The following ASZ1 variants were observed in gnomAD, a reference collection of about 807,000 sequenced individuals.
ASZ1 encodes the protein ankyrin repeat, SAM and basic leucine zipper domain-containing protein 1.
Under a neutral mutation model 61.8 loss-of-function variants are expected in ASZ1, and 67 were observed. The observed-to-expected ratio is 1.08, with a 90% CI of 0.89 to 1.33. The LOEUF (loss-of-function observed/expected upper bound fraction) is 1.33, where lower values mean the gene tolerates loss of function less well. ASZ1 is among the 40% of genes most tolerant of loss of function. The pLI is 0.00. For synonymous variants in ASZ1, 193 were observed against 192.7 expected (o/e 1.00, Z -0.01); for missense variants, 577 against 554.5 (o/e 1.04, Z -0.41).
chr7:117,379,133 T>TTATATATATATATATA (rs370500034), intron 10 of ASZ1, among the ~76,000 whole-genome samples: 1 of 104,656 alleles, frequency 9.6e-6, no homozygotes, highest in Non-Finnish European at 2.0e-5. Flanking sequence ...TGTGATAAAA[T>TTATATATATATATATA]TATATATATA....
intron 4 of ASZ1, among the ~76,000 whole-genome samples, chr7:117,404,425 T>TC (rs1162002647): frequency 8.4e-6 from 1 of 118,966 alleles, no homozygotes; most frequent in African/African-American, 6.0e-5. Flanking sequence ...TCCTTTTTTT[T>TC]TTTTTTGACT....
Position 117,363,618 on chromosome 7 carries a change from T to C in ASZ1, c.1406A>G (p.Lys469Arg). Reference sequence around the variant, plus strand: ...GGATTATTTCCTCTGGAAAGTTAGCTTGCAAATGAAAAGAAGAAAACCGAA... The same window carrying C: ...GGATTATTTCCTCTGGAAAGTTAGCCTGCAAATGAAAAGAAGAAAACCGAA... ...CGFGFLLFIC[K>R]LTFQRK is the part of the protein sequence containing the mutation. The change falls in exon 13 of 13, where the codon AAG becomes AGG. Residue 469 changes from lysine to arginine, a missense_variant. Transcript: ENST00000284629. The C allele has an allele frequency of 6.2e-7, 1 of 1,601,364 alleles. No homozygotes were observed. The highest frequency in any genetic ancestry group is 1.7e-5 in the Admixed American group (1 of 57,730).
intron 6 of ASZ1, among the ~76,000 whole-genome samples, chr7:117,384,083 C>G (rs1316589000): frequency 6.6e-6 from 1 of 152,026 alleles, no homozygotes; most frequent in Non-Finnish European, 1.5e-5. Context: ...AACTCTTGAA[C>G]TAAACAACTT....
intron 2 of ASZ1, 60 bp from the exon 3 acceptor site, chr7:117,422,419 C>A (rs1422472863): frequency 1.9e-6 from 3 of 1,564,646 alleles, no homozygotes; most frequent in East Asian, 2.3e-5. Flanking sequence ...AAATCAGTCA[C>A]CTTATATGCT....
intron 10 of ASZ1, among the ~76,000 whole-genome samples, chr7:117,374,232 TG>T (rs1796097882): frequency 6.6e-6 from 1 of 152,116 alleles, no homozygotes; most frequent in Non-Finnish European, 1.5e-5. Flanking sequence ...GAAAATCTAT[TG>T]TTTGTATGTT....
intron 4 of ASZ1, among the ~76,000 whole-genome samples, chr7:117,390,710 A>G (rs747363484): frequency 6.6e-6 from 1 of 151,830 alleles, no homozygotes; most frequent in Non-Finnish European, 1.5e-5. Flanking sequence ...TTTGACTTTT[A>G]ATTATTTTTT....
chr7:117,364,836 C>G (rs2116438798), intron 12 of ASZ1, among the ~76,000 whole-genome samples: 1 of 152,184 alleles, frequency 6.6e-6, no homozygotes, highest in Non-Finnish European at 1.5e-5. Flanking sequence ...TTACTGAATC[C>G]TGAGACAGTC....
intron 4 of ASZ1, among the ~76,000 whole-genome samples, chr7:117,404,415 T>TC (rs1777194426): frequency 9.0e-6 from 1 of 110,662 alleles, no homozygotes; most frequent in Non-Finnish European, 1.7e-5. Flanking sequence ...CTTGACTGTT[T>TC]CCTTTTTTTT....
intron 3 of ASZ1, among the ~76,000 whole-genome samples, chr7:117,421,178 C>T (rs1223907209): frequency 6.6e-6 from 1 of 152,150 alleles, no homozygotes; most frequent in Non-Finnish European, 1.5e-5. Context: ...ATATTTTATA[C>T]ACTTTTGAAA....
At chr7:117,378,780 G>A (rs1000312470) in intron 10 of ASZ1, among the ~76,000 whole-genome samples, 2 of 151,852 alleles carry the variant, frequency 1.3e-5, no homozygotes, top group Non-Finnish European at 2.9e-5. Flanking sequence ...CTACTCAAAT[G>A]TTCTTCAATG....
intron 4 of ASZ1, among the ~76,000 whole-genome samples, chr7:117,399,386 C>G (rs1030590956): frequency 6.6e-6 from 1 of 152,190 alleles, no homozygotes; most frequent in African/African-American, 2.4e-5. Flanking sequence ...AGTTTTTGTT[C>G]CTAGAGACAC....
intron 4 of ASZ1, among the ~76,000 whole-genome samples, chr7:117,405,350 C>T (rs540375486): frequency 3.3e-5 from 5 of 152,250 alleles, no homozygotes; most frequent in East Asian, 3.9e-4. Context: ...GCATTTCTTT[C>T]TAATCACAGC....
At chr7:117,364,385 CTGTG>C (rs917733140) in intron 12 of ASZ1, among the ~76,000 whole-genome samples, 1 of 149,384 alleles carries the variant, frequency 6.7e-6, no homozygotes, top group African/African-American at 2.5e-5. Flanking sequence ...CTGTGTGTAT[CTGTG>C]TGTGTGTGTT....
intron 2 of ASZ1, 73 bp from the exon 3 acceptor site, chr7:117,422,432 A>G: frequency 6.6e-7 from 1 of 1,510,506 alleles, no homozygotes; most frequent in East Asian, 2.3e-5. Context: ...TATATGCTTA[A>G]AGTACTGTGT....
At chr7:117,407,676 A>G (rs888410855) in intron 4 of ASZ1, among the ~76,000 whole-genome samples, 1 of 152,208 alleles carries the variant, frequency 6.6e-6, no homozygotes, top group Non-Finnish European at 1.5e-5. Flanking sequence ...TTATTGTACT[A>G]TATTCACCCT....
At chr7:117,384,918 A>G in intron 5 of ASZ1, 58 bp from the exon 6 acceptor site, 3 of 1,434,206 alleles carry the variant, frequency 2.1e-6, no homozygotes, top group Non-Finnish European at 2.8e-6. Flanking sequence ...TGAGACAGAC[A>G]GGAAAAGTTT....
intron 10 of ASZ1, among the ~76,000 whole-genome samples, chr7:117,377,700 T>C (rs1159603890): frequency 6.6e-6 from 1 of 152,056 alleles, no homozygotes; most frequent in Non-Finnish European, 1.5e-5. Flanking sequence ...AAGCTTTATC[T>C]AAAATGTATA....
chr7:117,380,021 C>T lies in ASZ1; in HGVS notation c.972G>A (p.Gln324=). Residue 324 remains glutamine (Q), a synonymous_variant, in exon 10 of 13, where the codon CAG becomes CAA. Coordinates refer to ENST00000284629, the MANE Select transcript of ASZ1 (RefSeq NM_130768.3). The stretch of plus-strand genomic sequence containing the variant: ...GTTCTTTAAGAGCAGCCAGAATTTT[C>T]TGCTGGTCTTTACTGGTAATTCCAT... ...TKNGITSKDQ[Q]KILAALKELQ... is the part of the protein sequence containing the mutation. 1 of 1,603,546 alleles carries T rather than the reference C, an allele frequency of 6.2e-7. No homozygotes were observed. The highest frequency in any genetic ancestry group is 8.5e-7 in the Non-Finnish European group (1 of 1,174,130).
chr7:117,379,638 C>T (rs927523078), intron 10 of ASZ1, among the ~76,000 whole-genome samples: 1 of 151,546 alleles, frequency 6.6e-6, no homozygotes, highest in African/African-American at 2.4e-5. Flanking sequence ...TAAAGGTATA[C>T]TATAAAAAGC....
Sources: allele counts gnomAD v4.1 joint callset (sites outside exome capture counted in the v4.1 genomes callset), GRCh38; gene constraint gnomAD v4.1.1; transcripts MANE v1.5; gene names NCBI Gene and HGNC (gene_info 2026-07-23, HGNC 2026-07-21).